Variants in P2RY14 observed in about 807,000 individuals in gnomAD.
The protein encoded by P2RY14 is purinergic receptor P2Y14, also known as P2Y purinoceptor 14.
P2RY14 carries 2 observed loss-of-function variants against 0.9 expected under a neutral mutation model. The observed-to-expected ratio is 2.16, with a 90% CI of 0.88 to 6.79. The LOEUF (loss-of-function observed/expected upper bound fraction) is 6.79, where lower values mean the gene tolerates loss of function less well. Ranked by LOEUF, P2RY14 falls within the 30% of genes most tolerant of loss-of-function variation. The pLI is 0.05. For synonymous variants in P2RY14, 158 were observed against 147.2 expected, an observed-to-expected ratio of 1.07 and a Z score of -0.53; for missense variants, 378 against 400.1, an observed-to-expected ratio of 0.94 and a Z score of 0.47.
At chr3:151,218,222 A>G (rs1728611663) in intron 2 of P2RY14, among the ~76,000 whole-genome samples, 1 of 152,252 alleles carries the variant, frequency 6.6e-6, no homozygotes, top group Non-Finnish European at 1.5e-5. Context: ...TAGTGTGCTC[A>G]GCAACCCTCC....
intron 2 of P2RY14, among the ~76,000 whole-genome samples, chr3:151,218,899 A>AG (rs997528177): frequency 6.0e-5 from 7 of 117,548 alleles, no homozygotes; most frequent in South Asian, 6.2e-4. Context: ...AAAAAAAAAG[A>AG]GGGGGGGTAT....
At chr3:151,248,042 C>T (rs546424611) in intron 1 of P2RY14, among the ~76,000 whole-genome samples, 1 of 120,356 alleles carries the variant, frequency 8.3e-6, no homozygotes, top group Non-Finnish European at 1.6e-5. Flanking sequence ...TCTAAATTAT[C>T]TATTAGTCTA....
At chr3:151,223,790 A>G (rs1729901586) in intron 1 of P2RY14, among the ~76,000 whole-genome samples, 1 of 152,206 alleles carries the variant, frequency 6.6e-6, no homozygotes, top group African/African-American at 2.4e-5. Flanking sequence ...GCTCAGTGTC[A>G]CACAATATAC....
At chr3:151,225,188 G>A (rs1020951554) in intron 1 of P2RY14, among the ~76,000 whole-genome samples, 6 of 152,076 alleles carry the variant, frequency 3.9e-5, no homozygotes, top group African/African-American at 1.4e-4. Context: ...CCTGTCCAGG[G>A]TGCCCTCGAC....
chr3:151,241,704 AT>A (rs1307176782), intron 1 of P2RY14: 1 of 151,318 alleles, frequency 6.6e-6, no homozygotes, highest in Non-Finnish European at 1.5e-5. Flanking sequence ...ATTTTTTTTC[AT>A]TTTTCTCTTG....
At chr3:151,272,230 G>C (rs1371633733) in intron 1 of P2RY14, among the ~76,000 whole-genome samples, 9 of 152,216 alleles carry the variant, frequency 5.9e-5, no homozygotes, top group Non-Finnish European at 2.9e-5. Context: ...ATGCAAAGAG[G>C]TAAATGTTTT....
intron 1 of P2RY14, among the ~76,000 whole-genome samples, chr3:151,229,392 C>CT (rs1731167616): frequency 6.7e-6 from 1 of 148,536 alleles, no homozygotes; most frequent in South Asian, 2.1e-4. Flanking sequence ...ACTGCAACCT[C>CT]GCCTCCCGGG....
At chr3:151,264,865 G>A (rs550584950) in intron 1 of P2RY14, among the ~76,000 whole-genome samples, 2 of 152,280 alleles carry the variant, frequency 1.3e-5, no homozygotes, top group East Asian at 3.9e-4. Flanking sequence ...GGCCCTGCCT[G>A]GTTCTCTGAC....
intron 1 of P2RY14, among the ~76,000 whole-genome samples, chr3:151,271,484 A>G (rs1740935316): frequency 1.3e-5 from 2 of 152,226 alleles, no homozygotes; most frequent in South Asian, 4.1e-4. Flanking sequence ...CTTGTGACCT[A>G]GTAATTTCAC....
chr3:151,226,285 T>G (rs1280605532), intron 1 of P2RY14, among the ~76,000 whole-genome samples: 1 of 152,108 alleles, frequency 6.6e-6, no homozygotes, highest in East Asian at 1.9e-4. Context: ...GAGAGAGCTA[T>G]AGGAACAGGC....
At position 151,240,321 on chromosome 3, in the gene P2RY14, G is replaced by A. The variant is rs567042290; in HGVS notation, c.-132-20679C>T. On this transcript the variant is annotated intron_variant, in intron 1 of 2. Transcript: ENST00000309170. Reference sequence around the variant, plus strand: ...CCTTTATTTCTGTGATTTCTTTTTTGGACCTCTGACTCTCAGATTACAGCT... The same window carrying A: ...CCTTTATTTCTGTGATTTCTTTTTTAGACCTCTGACTCTCAGATTACAGCT... Among the ~76,000 whole-genome samples, 289 of 152,150 alleles carry A rather than the reference G, an allele frequency of 1.9e-3. 1 individual carries two copies. The highest frequency in any genetic ancestry group is 6.7e-3 in the African/African-American group (279 of 41,522).
chr3:151,231,264 A>G (rs1161115239), intron 1 of P2RY14, among the ~76,000 whole-genome samples: 1 of 152,228 alleles, frequency 6.6e-6, no homozygotes, highest in Admixed American at 6.5e-5. Flanking sequence ...CAGTGTGATA[A>G]CTGATTCAGG....
intron 1 of P2RY14, among the ~76,000 whole-genome samples, chr3:151,225,738 A>G (rs1378218567): frequency 6.6e-6 from 1 of 150,696 alleles, no homozygotes; most frequent in African/African-American, 2.4e-5. Context: ...AGAAGAAGGA[A>G]CTCTCCCACC....
intron 1 of P2RY14, among the ~76,000 whole-genome samples, chr3:151,257,898 A>G (rs1738128749): frequency 6.6e-6 from 1 of 152,194 alleles, no homozygotes; most frequent in Non-Finnish European, 1.5e-5. Flanking sequence ...CAGCCTTTGA[A>G]TGGCAATTAA....
chr3:151,219,877 T>G (rs1728976345), intron 1 of P2RY14, among the ~76,000 whole-genome samples: 1 of 119,430 alleles, frequency 8.4e-6, no homozygotes, highest in Non-Finnish European at 1.7e-5. Flanking sequence ...TGGTTTTGGT[T>G]ATTGGTTTAT....
At chr3:151,266,912 C>A (rs574417308) in intron 1 of P2RY14, among the ~76,000 whole-genome samples, 1 of 152,302 alleles carries the variant, frequency 6.6e-6, no homozygotes, top group African/African-American at 2.4e-5. Flanking sequence ...AAACCCCCAC[C>A]TTCACATGAA....
chr3:151,237,330 G>T (rs1000519932), intron 1 of P2RY14, among the ~76,000 whole-genome samples: 1 of 140,006 alleles, frequency 7.1e-6, no homozygotes, highest in African/African-American at 2.7e-5. Flanking sequence ...GAGCCACCAC[G>T]CCTGGCTTTT....
chr3:151,229,399 C>A (rs943037631), intron 1 of P2RY14, among the ~76,000 whole-genome samples: 1 of 150,406 alleles, frequency 6.6e-6, no homozygotes, highest in Non-Finnish European at 1.5e-5. Context: ...CCTCGCCTCC[C>A]GGGTTCAAGC....
chr3:151,249,470 G>T (rs1341058977), intron 1 of P2RY14, among the ~76,000 whole-genome samples: 1 of 152,100 alleles, frequency 6.6e-6, no homozygotes, highest in African/African-American at 2.4e-5. Flanking sequence ...GTGTTAACTT[G>T]GGGGTCTTGA....
Sources: gnomAD v4.1 joint callset for allele counts (sites outside exome capture counted in the v4.1 genomes callset) on GRCh38, gnomAD v4.1.1 for gene constraint, MANE v1.5 for transcripts, NCBI Gene and HGNC (gene_info 2026-07-23, HGNC 2026-07-21) for gene names.